The following DLGAP1 variants were observed in gnomAD, a reference collection of about 807,000 sequenced individuals.
DLGAP1 encodes disks large-associated protein 1.
A neutral mutation model predicts 90.8 loss-of-function variants in DLGAP1; 11 were observed. That is an observed-to-expected ratio of 0.12 (90% CI 0.08 to 0.20). DLGAP1 has a LOEUF of 0.20. Ranked by LOEUF, DLGAP1 falls within the 10% of genes least tolerant of loss-of-function variation. The probability of loss-of-function intolerance (pLI) is 1.00; values close to 1 mark genes in which losing one functional copy is unlikely to be tolerated. For missense variants in DLGAP1, 1,050 were observed against 1,333.8 expected (o/e 0.79, Z 3.31); for synonymous variants, 558 against 540.7 (o/e 1.03, Z -0.44).
At chr18:4,402,332 C>T (rs1277326859) in intron 1 of DLGAP1, among the ~76,000 whole-genome samples, 1 of 152,166 alleles carries the variant, frequency 6.6e-6, no homozygotes, top group African/African-American at 2.4e-5. Flanking sequence ...TAGGAAATTA[C>T]TTTTAAATTG....
At chr18:3,998,868 C>T (rs1338512024) in intron 3 of DLGAP1, among the ~76,000 whole-genome samples, 1 of 152,130 alleles carries the variant, frequency 6.6e-6, no homozygotes, top group African/African-American at 2.4e-5. Flanking sequence ...TAACATTCCG[C>T]TAAAACAGGC....
chr18:4,159,113 T>C (rs370635841), intron 1 of DLGAP1, among the ~76,000 whole-genome samples: 26 of 152,190 alleles, frequency 1.7e-4, no homozygotes, highest in East Asian at 1.3e-3. Context: ...TTGCACATTA[T>C]TTCTTTAAAG....
intron 7 of DLGAP1, among the ~76,000 whole-genome samples, chr18:3,618,675 A>C: frequency 6.6e-6 from 1 of 151,142 alleles, no homozygotes; most frequent in African/African-American, 2.4e-5. Flanking sequence ...AGGGTGGCTC[A>C]CGCCTGTAAT....
intron 1 of DLGAP1, among the ~76,000 whole-genome samples, chr18:4,314,632 G>A (rs1336104824): frequency 3.3e-5 from 5 of 152,130 alleles, no homozygotes. Context: ...AGGCTTGTTG[G>A]CCTTACTGTT....
chr18:4,235,026 T>C (rs904128806), intron 1 of DLGAP1, among the ~76,000 whole-genome samples: 1 of 152,182 alleles, frequency 6.6e-6, no homozygotes, highest in Non-Finnish European at 1.5e-5. Flanking sequence ...CTTTACTTCA[T>C]TTGTGAAGCT....
At chr18:3,674,307 A>ATATATATATATATATATATATATG (rs1567942155) in intron 7 of DLGAP1, among the ~76,000 whole-genome samples, 3 of 139,980 alleles carry the variant, frequency 2.1e-5, no homozygotes, top group Non-Finnish European at 4.5e-5. Context: ...ATATATATAT[A>ATATATATATATATATATATATATG]TATATGTATA....
intron 2 of DLGAP1, among the ~76,000 whole-genome samples, chr18:4,093,344 G>A (rs2075618810): frequency 6.6e-6 from 1 of 152,154 alleles, no homozygotes; most frequent in Non-Finnish European, 1.5e-5. Flanking sequence ...AAGGAAATAG[G>A]AATTTCTTAA....
At position 3,497,489 on chromosome 18, in the gene DLGAP1, T is replaced by C. The variant is rs557040868; in HGVS notation, c.*1696A>G. On this transcript the variant is annotated 3_prime_UTR_variant, in exon 13 of 13. Coordinates refer to ENST00000315677, the MANE Select transcript of DLGAP1 (RefSeq NM_004746.4). ...CTCTAGTGGTTTTAGAATATGTCCG[T>C]GAAAATATCTGTTGCTAGAACCCAT... 2.0e-5 allele frequency: 3 copies of C among 152,314 alleles called. No homozygotes were observed. In the South Asian group the frequency reaches 6.2e-4, roughly 32 times the overall value. 9.4% of individuals were successfully genotyped at this position (152,314 alleles called of 1,614,324 possible).
intron 4 of DLGAP1, among the ~76,000 whole-genome samples, chr18:3,862,103 G>A (rs563024052): frequency 6.6e-6 from 1 of 152,328 alleles, no homozygotes; most frequent in Non-Finnish European, 1.5e-5. Flanking sequence ...ACCCTGGATA[G>A]GCCATAATGG....
At chr18:3,538,924 A>T (rs182176329) in intron 9 of DLGAP1, among the ~76,000 whole-genome samples, 1 of 152,256 alleles carries the variant, frequency 6.6e-6, no homozygotes, top group Non-Finnish European at 1.5e-5. Flanking sequence ...CCTTCTTAGA[A>T]AAATTACTTG....
At chr18:4,163,056 T>C (rs574518526) in intron 1 of DLGAP1, among the ~76,000 whole-genome samples, 49 of 152,274 alleles carry the variant, frequency 3.2e-4, no homozygotes, top group African/African-American at 1.1e-3. Flanking sequence ...TCTGTCCCCA[T>C]TGTAGGCCAG....
At position 3,707,610 on chromosome 18, in the gene DLGAP1, A is replaced by G. The variant is rs200106896; in HGVS notation, c.1591+21525T>C. Among the ~76,000 whole-genome samples the G allele has an allele frequency of 9.7e-4, 101 of 103,952 alleles. 1 individual carries two copies. The highest frequency in any genetic ancestry group is 3.0e-3 in the African/African-American group (85 of 28,034). The allele number at this position is 103,952 out of a possible 152,430, so 68.2% of individuals were successfully genotyped here. On this transcript the variant is annotated intron_variant, in intron 7 of 12. Transcript: ENST00000315677. Reference sequence around the variant, plus strand: ...GTGAGTGAGACTCCATCTCAAAGAAAAAAAAAAAAAAGAAAACAGACCCTA... The same window carrying G: ...GTGAGTGAGACTCCATCTCAAAGAAGAAAAAAAAAAAGAAAACAGACCCTA...
intron 5 of DLGAP1, among the ~76,000 whole-genome samples, chr18:3,747,922 G>A (rs899315515): frequency 4.6e-5 from 7 of 152,154 alleles, no homozygotes; most frequent in Middle Eastern, 3.2e-3. Flanking sequence ...CATGTGCTCC[G>A]GATGCAGAAA....
Position 3,496,366 on chromosome 18 carries a change from TA to T in DLGAP1, c.*2818del, listed in dbSNP as rs2049696544. 1 of 152,158 alleles carries T rather than the reference TA, an allele frequency of 6.6e-6. No individual in the cohort carries two copies. The highest frequency in any genetic ancestry group is 1.5e-5 in the Non-Finnish European group (1 of 68,006). 9.4% of individuals were successfully genotyped at this position (152,158 alleles called of 1,614,324 possible). A position where few individuals can be genotyped will look rare whatever the true frequency, so the allele number is the denominator to read the frequency against. ...CTTAAATGAAAGTGGTAATGCACAGTAAAACATTAAGGAAACATCTATAAAT... is the reference window on the plus strand; with the variant it reads ...CTTAAATGAAAGTGGTAATGCACAGTAAACATTAAGGAAACATCTATAAAT... On this transcript the variant is annotated 3_prime_UTR_variant, in exon 13 of 13. Coordinates refer to ENST00000315677, the MANE Select transcript of DLGAP1 (RefSeq NM_004746.4).
intron 2 of DLGAP1, among the ~76,000 whole-genome samples, chr18:4,105,797 G>T (rs1046709910): frequency 4.6e-5 from 7 of 152,018 alleles, no homozygotes; most frequent in Admixed American, 6.5e-5. Flanking sequence ...TTGGGAGGCC[G>T]AGGTGGGCGG....
At chr18:4,299,085 C>CAAAAAAAAAAA (rs35327176) in intron 1 of DLGAP1, among the ~76,000 whole-genome samples, 2 of 76,328 alleles carry the variant, frequency 2.6e-5, no homozygotes, top group African/African-American at 4.4e-5. Flanking sequence ...TGTCTCAAGA[C>CAAAAAAAAAAA]AAAAAAAAAA....
At position 3,711,475 on chromosome 18, in the gene DLGAP1, C is replaced by T. The variant is rs1463830683; in HGVS notation, c.1591+17660G>A. ...ACCCACCTAGGTGAGACAACTTCAA[C>T]TTCAATCACCTAAAAGTGGCTCACG... On this transcript the variant is annotated intron_variant, in intron 7 of 12. Coordinates refer to ENST00000315677, the MANE Select transcript of DLGAP1 (RefSeq NM_004746.4). This position sits in a 1 kb window ranked among gnomAD's most constrained non-coding sequence, Gnocchi z 4.0. 2.6e-5 allele frequency among the ~76,000 whole-genome samples: 4 copies of T among 152,222 alleles called. No homozygotes were observed. The highest frequency in any genetic ancestry group is 9.6e-5 in the African/African-American group (4 of 41,456).
intron 1 of DLGAP1, among the ~76,000 whole-genome samples, chr18:4,452,408 A>T (rs2083857359): frequency 6.6e-6 from 1 of 152,142 alleles, no homozygotes; most frequent in South Asian, 2.1e-4. Flanking sequence ...ATTAGTGAAT[A>T]TTGCTCATAT....
At chr18:4,157,161 T>C (rs2076771027) in intron 1 of DLGAP1, among the ~76,000 whole-genome samples, 1 of 152,104 alleles carries the variant, frequency 6.6e-6, no homozygotes, top group South Asian at 2.1e-4. Context: ...GTCAGCTCAC[T>C]TAACTCTGGG....
Sources: gnomAD v4.1 joint callset for allele counts (sites outside exome capture counted in the v4.1 genomes callset) on GRCh38, gnomAD v4.1.1 for gene constraint, Gnocchi (gnomAD v3.1) non-coding constraint, MANE v1.5 for transcripts, NCBI Gene and HGNC (gene_info 2026-07-23, HGNC 2026-07-21) for gene names.